The following STAU2 variants were observed in gnomAD, a reference collection of about 807,000 sequenced individuals.
The protein encoded by STAU2 is staufen double-stranded RNA binding protein 2, also known as double-stranded RNA-binding protein Staufen homolog 2.
STAU2 carries 20 observed loss-of-function variants against 65.9 expected under a neutral mutation model. The ratio of observed to expected loss-of-function variants is 0.30; its 90% CI spans 0.21 to 0.44. The LOEUF is 0.44. Among genes scored for constraint, STAU2 ranks in the 20% least tolerant of loss-of-function variants. The probability of loss-of-function intolerance (pLI) is 1.00; values close to 1 mark genes in which losing one functional copy is unlikely to be tolerated. For synonymous variants in STAU2, 232 were observed against 233.9 expected (o/e 0.99, Z 0.07); for missense variants, 558 against 683.9 (o/e 0.82, Z 2.05).
At chr8:73,426,076 C>T (rs192734760) in intron 13 of STAU2, among the ~76,000 whole-genome samples, 73 of 152,258 alleles carry the variant, frequency 4.8e-4, no homozygotes, top group African/African-American at 1.7e-3. Context: ...TACAGGCATG[C>T]GCCTCTGCCC....
At chr8:73,561,313 A>T in intron 12 of STAU2, 1 of 322,356 alleles carries the variant, frequency 3.1e-6, no homozygotes, top group Non-Finnish European at 6.0e-6. Flanking sequence ...TTTAGAAGAA[A>T]TTTTTTTCAA....
At chr8:73,654,192 C>G (rs1816117983) in intron 6 of STAU2, among the ~76,000 whole-genome samples, 1 of 151,940 alleles carries the variant, frequency 6.6e-6, no homozygotes. Flanking sequence ...TCTAATGGTT[C>G]AAGATAAATA....
intron 3 of STAU2, 64 bp from the exon 4 acceptor site, chr8:73,709,226 G>A (rs1820722538): frequency 7.6e-7 from 1 of 1,308,768 alleles, no homozygotes. Flanking sequence ...AGAAAAACTA[G>A]TTTTGACTTT....
intron 4 of STAU2, among the ~76,000 whole-genome samples, chr8:73,705,966 C>T (rs972776978): frequency 4.6e-5 from 7 of 151,996 alleles, no homozygotes; most frequent in African/African-American, 1.5e-4. Flanking sequence ...CACCCAAGAC[C>T]GATTAAATTA....
chr8:73,708,935 G>T, intron 4 of STAU2, 97 bp downstream of exon 4: 1 of 1,238,658 alleles, frequency 8.1e-7, no homozygotes, highest in South Asian at 2.4e-5. Context: ...GCCATCTGCT[G>T]AACCCCCACT....
intron 12 of STAU2, among the ~76,000 whole-genome samples, chr8:73,580,427 C>T (rs983284675): frequency 6.6e-6 from 1 of 152,204 alleles, no homozygotes; most frequent in African/African-American, 2.4e-5. Flanking sequence ...GCAGCCAGCA[C>T]TGGCAATCTC....
intron 6 of STAU2, among the ~76,000 whole-genome samples, chr8:73,648,836 T>C (rs1309707694): frequency 2.0e-5 from 3 of 152,212 alleles, no homozygotes; most frequent in African/African-American, 7.2e-5. Context: ...AGACACAGTC[T>C]CTCTCTGTTA....
At chr8:73,616,704 A>G (rs1374850214) in intron 7 of STAU2, among the ~76,000 whole-genome samples, 1 of 152,142 alleles carries the variant, frequency 6.6e-6, no homozygotes, top group East Asian at 1.9e-4. Context: ...AGGCTGAGGC[A>G]GGAGAATCGC....
Position 73,505,118 on chromosome 8 carries a change from T to C in STAU2, c.1530+46894A>G, listed in dbSNP as rs140127829. ...AATCATCTCTGGAAGACATTTAATA[T>C]GGCAAAAACCTAAGTCATCGTTCTC... On this transcript the variant is annotated intron_variant, in intron 13 of 14. Coordinates refer to ENST00000524300, the MANE Select transcript of STAU2 (RefSeq NM_001164380.2). Among the ~76,000 whole-genome samples the C allele has an allele frequency of 1.0e-3, 154 of 152,244 alleles. 2 individuals are homozygous for C. Among genetic ancestry groups the C allele is most frequent in the African/African-American group, 3.6e-3 (148 of 41,544 alleles).
intron 5 of STAU2, among the ~76,000 whole-genome samples, chr8:73,687,056 C>A (rs1818896768): frequency 6.8e-6 from 1 of 147,832 alleles, no homozygotes. Context: ...CCATGCCCAG[C>A]CAATTTTTGT....
At chr8:73,687,253 A>AC (rs1563506470) in intron 5 of STAU2, among the ~76,000 whole-genome samples, 11 of 63,756 alleles carry the variant, frequency 1.7e-4, no homozygotes, top group Admixed American at 6.7e-4. Context: ...AATATAAATT[A>AC]ATTTATATTT....
chr8:73,670,977 G>A (rs1302233069), intron 6 of STAU2, among the ~76,000 whole-genome samples: 1 of 151,978 alleles, frequency 6.6e-6, no homozygotes, highest in African/African-American at 2.4e-5. Flanking sequence ...AAACAAAATA[G>A]ACTGAAGGTT....
At chr8:73,741,972 A>G (rs567345696) in intron 1 of STAU2, among the ~76,000 whole-genome samples, 81 of 152,374 alleles carry the variant, frequency 5.3e-4, no homozygotes, top group Non-Finnish European at 5.0e-4. Context: ...ACTAATGTCT[A>G]TAACAGCACT....
intron 5 of STAU2, among the ~76,000 whole-genome samples, chr8:73,681,770 A>C (rs1437107982): frequency 6.6e-6 from 1 of 152,138 alleles, no homozygotes; most frequent in Non-Finnish European, 1.5e-5. Flanking sequence ...CTGAAGGTAA[A>C]GGGGTAGAAA....
chr8:73,484,891 A>G (rs1484771515), intron 13 of STAU2, among the ~76,000 whole-genome samples: 2 of 152,138 alleles, frequency 1.3e-5, no homozygotes, highest in East Asian at 3.9e-4. Flanking sequence ...GGGCCATGAC[A>G]GAAGAGAAGT....
intron 1 of STAU2, among the ~76,000 whole-genome samples, chr8:73,746,024 G>A (rs1269216777): frequency 6.6e-5 from 10 of 151,342 alleles, no homozygotes; most frequent in Non-Finnish European, 1.5e-4. Flanking sequence ...TTGTCTCCTC[G>A]CCCAACTCCC....
At chr8:73,719,678 G>A (rs187193754) in intron 3 of STAU2, among the ~76,000 whole-genome samples, 86 of 152,294 alleles carry the variant, frequency 5.6e-4, no homozygotes, top group Non-Finnish European at 1.1e-3. Flanking sequence ...ACATGGTTAT[G>A]ACATATTATC....
intron 13 of STAU2, among the ~76,000 whole-genome samples, chr8:73,513,162 G>T (rs1375499886): frequency 6.6e-6 from 1 of 151,948 alleles, no homozygotes; most frequent in Non-Finnish European, 1.5e-5. Context: ...TTCTTCCCTC[G>T]GGATTGTTGT....
intron 13 of STAU2, among the ~76,000 whole-genome samples, chr8:73,532,705 T>C (rs1352233233): frequency 1.3e-5 from 2 of 152,238 alleles, no homozygotes; most frequent in African/African-American, 4.8e-5. Flanking sequence ...CTATTCTCTC[T>C]AAAGGCTGTC....
Sources: gnomAD v4.1 joint callset for allele counts (sites outside exome capture counted in the v4.1 genomes callset) on GRCh38, gnomAD v4.1.1 for gene constraint, MANE v1.5 for transcripts, NCBI Gene and HGNC (gene_info 2026-07-23, HGNC 2026-07-21) for gene names.